RAB37: variants seen among roughly 807,000 people sequenced by gnomAD.
The protein encoded by RAB37 is RAB37, member RAS oncogene family.
RAB37 carries 29 observed loss-of-function variants against 33.1 expected under a neutral mutation model. The ratio of observed to expected loss-of-function variants is 0.88; its 90% CI spans 0.65 to 1.20. RAB37 has a LOEUF of 1.20. Ranked by LOEUF, RAB37 falls within the 50% of genes most tolerant of loss-of-function variation. The probability of loss-of-function intolerance (pLI) is 0.00; values close to 1 mark genes in which losing one functional copy is unlikely to be tolerated. For missense variants in RAB37, 299 were observed against 301.1 expected, an observed-to-expected ratio of 0.99 and a Z score of 0.05; for synonymous variants, 128 against 119.5, an observed-to-expected ratio of 1.07 and a Z score of -0.47.
chr17:74,676,935 G>A lies in RAB37; in HGVS notation c.72+5277G>A, dbSNP rs2031847000. ...TGGGAGGCTGAGGCAGGTGGATCAT[G>A]AGGTCAGGAATTCGAGACCAGCTTG... On this transcript the variant is annotated intron_variant, in intron 1 of 7. Coordinates refer to the RAB37 transcript ENST00000340415. The surrounding 1 kb of genome is among the most constrained non-coding windows in gnomAD (Gnocchi z 4.1). Among the ~76,000 whole-genome samples, 1 of 152,100 alleles carries A rather than the reference G, an allele frequency of 6.6e-6. No individual in the cohort carries two copies. Among genetic ancestry groups the A allele is most frequent in the African/African-American group, 2.4e-5 (1 of 41,418 alleles).
At chr17:74,736,811 G>T (rs1461895417), upstream of RAB37, 8 of 1,534,820 alleles carry the variant, frequency 5.2e-6, no homozygotes, top group African/African-American at 6.8e-5. Context: ...GTGTCTCGGG[G>T]CCATCGGCGG....
rs145611955 is a variant in RAB37 at position 74,693,972 on chromosome 17, C to G, written c.72+22314C>G. On this transcript the variant is annotated intron_variant, in intron 1 of 7. Transcript: ENST00000340415. ...CCAGCATCTGTAAATGAGCATGATC[C>G]CTGTGTGAGCAGCAGTGTATGTGTA... Among the ~76,000 whole-genome samples the G allele has an allele frequency of 2.6e-4, 40 of 152,116 alleles. No individual in the cohort carries two copies. The East Asian group carries it at 7.2e-3, about 27-fold the overall frequency.
chr17:74,727,996 T>A (rs947242501), intron 1 of RAB37, among the ~76,000 whole-genome samples: 1 of 152,130 alleles, frequency 6.6e-6, no homozygotes, highest in Non-Finnish European at 1.5e-5. Context: ...TCTGTGTGAA[T>A]GTGCATATGT....
chr17:74,672,652 A>G (rs2031731984), intron 1 of RAB37: 1 of 152,226 alleles, frequency 6.6e-6, no homozygotes, highest in South Asian at 2.1e-4. Context: ...CAGAGCTGAT[A>G]CTAAAAGCCA....
rs1485893134 is a variant in RAB37 at position 74,703,009 on chromosome 17, C to T, written c.73-26247C>T. 5 of 1,590,154 alleles carry T rather than the reference C, an allele frequency of 3.1e-6. No homozygotes were observed. In the Admixed American group the frequency reaches 6.7e-5, roughly 21 times the overall value. On this transcript the variant is annotated intron_variant, in intron 1 of 7. Transcript: ENST00000340415. The stretch of plus-strand genomic sequence containing the variant: ...ATTGGAGGAGTTTGGGCCAAGTAGG[C>T]CACAGTGGAACCAGAGCTGGCTTAC...
intron 1 of RAB37, among the ~76,000 whole-genome samples, chr17:74,700,811 C>A (rs1334269797): frequency 3.3e-5 from 5 of 152,188 alleles, no homozygotes; most frequent in Admixed American, 2.0e-4. Context: ...CACCACCACC[C>A]CCCCACCCCA....
upstream of RAB37, among the ~76,000 whole-genome samples, chr17:74,733,390 G>A (rs1346183530): frequency 8.0e-6 from 1 of 124,376 alleles, no homozygotes; most frequent in Non-Finnish European, 1.6e-5. Flanking sequence ...TGTGTGGTAT[G>A]ATGTAGGGTG....
chr17:74,686,412 A>G (rs1032982456), intron 1 of RAB37, among the ~76,000 whole-genome samples: 3 of 151,614 alleles, frequency 2.0e-5, no homozygotes, highest in Admixed American at 2.0e-4. Context: ...TATTTTTGAG[A>G]TGGAGTCTCG....
At position 74,676,500 on chromosome 17, in the gene RAB37, T is replaced by A. The variant is rs1271174195; in HGVS notation, c.72+4842T>A. Reference sequence around the variant, plus strand: ...GAAAGGAAAAGGCAAGCAGGTAATATCTGCCACTCTCCCCCATCTCCTGCA... The same window carrying A: ...GAAAGGAAAAGGCAAGCAGGTAATAACTGCCACTCTCCCCCATCTCCTGCA... On this transcript the variant is annotated intron_variant, in intron 1 of 7. Coordinates refer to the RAB37 transcript ENST00000340415. This position sits in a 1 kb window ranked among gnomAD's most constrained non-coding sequence, Gnocchi z 4.1. Among the ~76,000 whole-genome samples the A allele has an allele frequency of 6.6e-6, 1 of 152,220 alleles. No individual in the cohort carries two copies. Among genetic ancestry groups the A allele is most frequent in the Non-Finnish European group, 1.5e-5 (1 of 68,036 alleles).
intron 1 of RAB37, among the ~76,000 whole-genome samples, chr17:74,699,862 C>G (rs2032875673): frequency 1.3e-5 from 2 of 152,128 alleles, no homozygotes; most frequent in South Asian, 4.2e-4. Flanking sequence ...TGCAACAGGC[C>G]AGGCACAGTG....
In RAB37 at chr17:74,745,343, C is replaced by G; in HGVS notation, c.604C>G (p.Pro202Ala). 1.9e-6 allele frequency: 3 copies of G among 1,614,124 alleles called. No individual in the cohort carries two copies. In the African/African-American group the frequency reaches 4.0e-5, roughly 22 times the overall value. Residue 202 changes from proline to alanine, a missense_variant, in exon 9 of 9, where the codon CCC becomes GCC. By Grantham distance (27) the Pro-to-Ala change is conservative. Coordinates refer to ENST00000392613, the MANE Select transcript of RAB37 (RefSeq NM_001006638.3). The surrounding 1 kb of genome is among the most constrained non-coding windows in gnomAD (Gnocchi z 4.5). ...CCGGGCCGGGCATCAGGCGGATGAG[C>G]CCAGCTTCCAGATCCGAGACTATGT... is the stretch of plus-strand genomic sequence containing the variant. ...KYRAGHQADE[P>A]SFQIRDYVES...
At chr17:74,718,613 C>T (rs1439918538) in intron 1 of RAB37, among the ~76,000 whole-genome samples, 1 of 152,150 alleles carries the variant, frequency 6.6e-6, no homozygotes, top group East Asian at 1.9e-4. Flanking sequence ...GTAGGCTAAA[C>T]TTGGGCATCC....
chr17:74,702,600 G>A (rs530738697), intron 1 of RAB37, among the ~76,000 whole-genome samples: 18 of 152,244 alleles, frequency 1.2e-4, no homozygotes, highest in African/African-American at 2.2e-4. Flanking sequence ...TCCTTTCCTT[G>A]TCCTCCCAGA....
At position 74,745,633 on chromosome 17, in the gene RAB37, A is replaced by G; in HGVS notation, c.*222A>G. ...AACACTTAGCTTTTATTTTAATAGT[A>G]CATAATTTAATACCAAAAAAGGCGC... On this transcript the variant is annotated 3_prime_UTR_variant, in exon 9 of 9. Transcript: ENST00000392613. This position sits in a 1 kb window ranked among gnomAD's most constrained non-coding sequence, Gnocchi z 4.5. The G allele has an allele frequency of 2.0e-6, 1 of 500,148 alleles. No homozygotes were observed. Among genetic ancestry groups the G allele is most frequent in the Non-Finnish European group, 3.5e-6 (1 of 283,080 alleles). 31.0% of individuals were successfully genotyped at this position (500,148 alleles called of 1,614,324 possible).
intron 1 of RAB37, chr17:74,704,858 G>A (rs1436342939): frequency 6.7e-7 from 1 of 1,491,402 alleles, no homozygotes; most frequent in South Asian, 1.2e-5. Context: ...CCCACCCCAA[G>A]GGCAGGGCCA....
chr17:74,729,133 G>C lies in RAB37; in HGVS notation c.73-123G>C. On this transcript the variant is annotated intron_variant, in intron 1 of 7. Coordinates refer to the RAB37 transcript ENST00000340415. The surrounding 1 kb of genome is among the most constrained non-coding windows in gnomAD (Gnocchi z 4.2). ...GTGTCTTGTGTGTGTGTGTTTCTGT[G>C]TGTGTGTGTGCATGTTGTGCACATG... 1 of 711,432 alleles carries C rather than the reference G, an allele frequency of 1.4e-6. No individual in the cohort carries two copies. The highest frequency in any genetic ancestry group is 1.7e-5 in the African/African-American group (1 of 58,006). 44.1% of individuals were successfully genotyped at this position (711,432 alleles called of 1,614,324 possible). A position where few individuals can be genotyped will look rare whatever the true frequency, so the allele number is the denominator to read the frequency against.
rs1275682370 is a variant in RAB37 at position 74,712,316 on chromosome 17, C to G, written c.73-16940C>G. 2.6e-5 allele frequency among the ~76,000 whole-genome samples: 4 copies of G among 152,206 alleles called. No homozygotes were observed. In the East Asian group the frequency reaches 7.7e-4, roughly 29 times the overall value. ...TACGTCCCTGCCAGTCTTATCTCCT[C>G]TTGACCTTTCCGTCCCTCAGCAACT... On this transcript the variant is annotated intron_variant, in intron 1 of 7. Coordinates refer to the RAB37 transcript ENST00000340415.
rs906470904 is a variant in RAB37 at position 74,671,815 on chromosome 17, A to G, written c.72+157A>G. Among the ~76,000 whole-genome samples, 4 of 152,180 alleles carry G rather than the reference A, an allele frequency of 2.6e-5. No individual in the cohort carries two copies. Among genetic ancestry groups the G allele is most frequent in the Non-Finnish European group, 5.9e-5 (4 of 68,022 alleles). On this transcript the variant is annotated intron_variant, in intron 1 of 7. Coordinates refer to the RAB37 transcript ENST00000340415. This position sits in a 1 kb window ranked among gnomAD's most constrained non-coding sequence, Gnocchi z 5.0. ...TCTGTCTGATCCTGTTTCCTGCTCAAAACAGAGATGCGTGAGCTCTTGGGG... is the reference window on the plus strand; with the variant it reads ...TCTGTCTGATCCTGTTTCCTGCTCAGAACAGAGATGCGTGAGCTCTTGGGG...
chr17:74,704,845 C>G, intron 1 of RAB37: 1 of 1,562,162 alleles, frequency 6.4e-7, no homozygotes, highest in South Asian at 1.2e-5. Flanking sequence ...TGTGCTGTCA[C>G]CTCCCACCCC....
Sources: gnomAD v4.1 joint callset for allele counts (sites outside exome capture counted in the v4.1 genomes callset) on GRCh38, gnomAD v4.1.1 for gene constraint, Gnocchi (gnomAD v3.1) non-coding constraint, MANE v1.5 for transcripts, NCBI Gene and HGNC (gene_info 2026-07-23, HGNC 2026-07-21) for gene names.